CENPT: variants seen among roughly 807,000 people sequenced by gnomAD.
CENPT encodes centromere protein T.
A neutral mutation model predicts 59.7 loss-of-function variants in CENPT; 42 were observed. That is an observed-to-expected ratio of 0.70 (90% CI 0.55 to 0.91). The LOEUF (loss-of-function observed/expected upper bound fraction) is 0.91, where lower values mean the gene tolerates loss of function less well. Among genes scored for constraint, CENPT ranks in the 40% least tolerant of loss-of-function variants. The pLI is 0.00. For synonymous variants in CENPT, 295 were observed against 289.6 expected, an observed-to-expected ratio of 1.02 and a Z score of -0.19; for missense variants, 716 against 713.4, an observed-to-expected ratio of 1.00 and a Z score of -0.04.
At chr16:67,834,995 C>A (rs954894298) in intron 3 of CENPT, among the ~76,000 whole-genome samples, 177 bp downstream of exon 3, 3 of 152,100 alleles carry the variant, frequency 2.0e-5, no homozygotes, top group Non-Finnish European at 4.4e-5. Flanking sequence ...GCATGCACCA[C>A]CACACCCGGC....
chr16:67,839,739 T>C (rs1266699162), intron 1 of CENPT, among the ~76,000 whole-genome samples: 1 of 151,826 alleles, frequency 6.6e-6, no homozygotes, highest in Non-Finnish European at 1.5e-5. Flanking sequence ...CTGGTTGTGG[T>C]GCCTGGCGCC....
intron 1 of CENPT, among the ~76,000 whole-genome samples, chr16:67,836,058 GTTTTTGT>G (rs1335094468): frequency 6.7e-6 from 1 of 148,412 alleles, no homozygotes; most frequent in African/African-American, 2.5e-5. Context: ...TTTTGTTTTT[GTTTTTGT>G]TTTTTGTTTT....
rs2057690216 is a variant in CENPT, at chr16:67,831,680, C to T, written c.524-68G>A. 3.7e-6 allele frequency: 6 copies of T among 1,605,994 alleles called. No individual in the cohort carries two copies. The South Asian group carries it at 5.6e-5, about 15-fold the overall frequency. On this transcript the variant is annotated intron_variant, in intron 8 of 15. Coordinates refer to ENST00000562787, the MANE Select transcript of CENPT (RefSeq NM_025082.4). ...GTAAGTGATCCAGGCCTGTGAGGGC[C>T]CTCTCTCAGGACTCCTCAGCCTCTC...
At position 67,828,527 on chromosome 16, in the gene CENPT, A is replaced by C. The variant is rs1329232095; in HGVS notation, c.1509T>G (p.Ala503=). ...GCTTCACAGTCTTGCGGCCAGCATGAGCAGCAAATACCTCCAGATCATCAC... is the reference window on the plus strand; with the variant it reads ...GCTTCACAGTCTTGCGGCCAGCATGCGCAGCAAATACCTCCAGATCATCAC... ...HLCDDLEVFA[A]HAGRKTVKPE... is the part of the protein sequence containing the mutation. The change falls in exon 15 of 16, where the codon GCT becomes GCG. Residue 503 remains alanine, a synonymous_variant. Transcript: ENST00000562787. 1 of 1,614,112 alleles carries C rather than the reference A, an allele frequency of 6.2e-7. No individual in the cohort carries two copies. Among genetic ancestry groups the C allele is most frequent in the East Asian group, 2.2e-5 (1 of 44,894 alleles).
Position 67,842,871 on chromosome 16 carries a change from A to G in CENPT, c.-492+4530T>C, listed in dbSNP as rs1000978795. 16 of 1,604,462 alleles carry G rather than the reference A, an allele frequency of 1.0e-5. No individual in the cohort carries two copies. The highest frequency in any genetic ancestry group is 6.7e-5 in the Admixed American group (4 of 59,676). ...GCGGCCGCCCGCCGCAGGCAGCAGC[A>G]GCAACAGCAGCAGCAGCAGCAACAG... On this transcript the variant is annotated intron_variant, in intron 1 of 15. Coordinates refer to ENST00000562787, the MANE Select transcript of CENPT (RefSeq NM_025082.4). The surrounding 1 kb of genome is among the most constrained non-coding windows in gnomAD (Gnocchi z 4.9).
intron 1 of CENPT, among the ~76,000 whole-genome samples, chr16:67,840,985 C>T (rs1250624324): frequency 1.4e-5 from 2 of 142,052 alleles, no homozygotes; most frequent in African/African-American, 5.3e-5. Context: ...CATGGCGAAA[C>T]CCCGTCTCTA....
At chr16:67,846,378 A>G (rs888992761) in intron 1 of CENPT, among the ~76,000 whole-genome samples, 3 of 152,260 alleles carry the variant, frequency 2.0e-5, no homozygotes, top group African/African-American at 7.2e-5. Context: ...AGCCTGCTCG[A>G]AACCAGCTTT....
At position 67,840,425 on chromosome 16, in the gene CENPT, C is replaced by G. The variant is rs377687821; in HGVS notation, c.-491-4767G>C. The stretch of plus-strand genomic sequence containing the variant: ...GACAAGAAAAATTGGGAGGTGACCA[C>G]GATCATGTCTTTTGTGGGAATATGC... On this transcript the variant is annotated intron_variant, in intron 1 of 15. Coordinates refer to ENST00000562787, the MANE Select transcript of CENPT (RefSeq NM_025082.4). 2.3e-4 allele frequency among the ~76,000 whole-genome samples: 35 copies of G among 152,252 alleles called. No homozygotes were observed. In the East Asian group the frequency reaches 3.7e-3, roughly 16 times the overall value.
rs1390019985 is a variant in CENPT at position 67,831,352 on chromosome 16, G to A, written c.567C>T (p.Leu189=). 4 of 1,613,610 alleles carry A rather than the reference G, an allele frequency of 2.5e-6. No individual in the cohort carries two copies. Among genetic ancestry groups the A allele is most frequent in the Non-Finnish European group, 2.5e-6 (3 of 1,179,652 alleles). Residue 189 remains leucine, a synonymous_variant, in exon 10 of 16, where the codon CTC becomes CTT. Transcript: ENST00000562787. ...NADASSLTRS[L]NLTFATPLQP... ...GAAGAGGTGTGGCAAAGGTCAGGTT[G>A]AGGGATCTGGTGAGGTGGGGAGGCA...
Position 67,831,776 on chromosome 16 carries a change from G to A in CENPT, c.501C>T (p.Asp167=). ...LRLSVFQQGV[D]QGLSLSQEPQ... ...CACCTTGGGAGAGAGACAGCCCCTG[G>A]TCCACTCCCTGCTGAAACACTGACA... Residue 167 remains aspartate (D), a synonymous_variant, in exon 8 of 16, where the codon GAC becomes GAT. Transcript: ENST00000562787. 3.2e-6 allele frequency: 5 copies of A among 1,585,532 alleles called. No individual in the cohort carries two copies. Among genetic ancestry groups the A allele is most frequent in the Non-Finnish European group, 4.3e-6 (5 of 1,166,830 alleles).
chr16:67,828,500 T>C lies in CENPT; in HGVS notation c.1536A>G (p.Pro512=). ...AAHAGRKTVK[P]EDLELLMRRQ... is the part of the protein sequence containing the mutation. Reference sequence around the variant, plus strand: ...GCCGCATCAGCAGCTCCAGGTCCTCTGGCTTCACAGTCTTGCGGCCAGCAT... The same window carrying C: ...GCCGCATCAGCAGCTCCAGGTCCTCCGGCTTCACAGTCTTGCGGCCAGCAT... The change falls in exon 15 of 16, where the codon CCA becomes CCG. Residue 512 remains proline (P), a synonymous_variant. Coordinates refer to ENST00000562787, the MANE Select transcript of CENPT (RefSeq NM_025082.4). 1 of 1,614,250 alleles carries C rather than the reference T, an allele frequency of 6.2e-7. No homozygotes were observed. The highest frequency in any genetic ancestry group is 2.2e-5 in the East Asian group (1 of 44,892).
Position 67,832,513 on chromosome 16 carries a change from G to C in CENPT, c.143C>G (p.Pro48Arg), listed in dbSNP as rs1161063145. ...ARRALLETAS[P>R]RKLSGQTRTI... ...CCTTGTTTGGCCACTCAACTTCCTG[G>C]GGGAAGCCGTTTCAAGCAGGGCTCT... The change falls in exon 5 of 16, where the codon CCC becomes CGC. Residue 48 changes from proline to arginine, a missense_variant. Transcript: ENST00000562787. 6.2e-7 allele frequency: 1 copy of C among 1,614,116 alleles called. No individual in the cohort carries two copies. Among genetic ancestry groups the C allele is most frequent in the Non-Finnish European group, 8.5e-7 (1 of 1,180,004 alleles).
At chr16:67,832,175 G>A in intron 6 of CENPT, 53 bp downstream of exon 6, 1 of 1,607,012 alleles carries the variant, frequency 6.2e-7, no homozygotes, top group Non-Finnish European at 8.5e-7. Flanking sequence ...GATACCACAA[G>A]ACTGGGGTTG....
rs752283836 is a variant in CENPT, at chr16:67,842,923, G to GCAA, written c.-492+4477_-492+4478insTTG. ...AGCAACAGCAGCAGCAGCAGCAACA[G>GCAA]CAGCAGCAGCAGCAGCAGCAGCAGC... On this transcript the variant is annotated intron_variant, in intron 1 of 15. Transcript: ENST00000562787. The surrounding 1 kb of genome is among the most constrained non-coding windows in gnomAD (Gnocchi z 4.9). 174 of 705,396 alleles carry GCAA rather than the reference G, an allele frequency of 2.5e-4. No individual in the cohort carries two copies. The African/African-American group carries it at 3.8e-3, about 15-fold the overall frequency. 43.7% of individuals were successfully genotyped at this position (705,396 alleles called of 1,614,324 possible).
chr16:67,833,918 G>T lies in CENPT; in HGVS notation c.-59C>A, dbSNP rs2057718698. On this transcript the variant is annotated 5_prime_UTR_variant, in exon 4 of 16. Transcript: ENST00000562787. ...CAGCTGCAGGCTCCGCCTTCCCGCC[G>T]CCACAGTTAATGTAACTCTCGCGAT... is the stretch of plus-strand genomic sequence containing the variant. 6 of 1,145,490 alleles carry T rather than the reference G, an allele frequency of 5.2e-6. No individual in the cohort carries two copies. The highest frequency in any genetic ancestry group is 5.9e-6 in the Non-Finnish European group (5 of 845,572). 71.0% of individuals were successfully genotyped at this position (1,145,490 alleles called of 1,614,324 possible).
intron 1 of CENPT, among the ~76,000 whole-genome samples, chr16:67,840,938 T>C (rs1212796213): frequency 4.7e-5 from 7 of 149,418 alleles, no homozygotes; most frequent in East Asian, 3.9e-4. Context: ...GGCGAGCAGA[T>C]TGCCTGAGCT....
In CENPT at chr16:67,830,072, G is replaced by C. The variant is rs746410455; in HGVS notation, c.879C>G (p.Ala293=). 2 of 1,614,152 alleles carry C rather than the reference G, an allele frequency of 1.2e-6. No homozygotes were observed. The highest frequency in any genetic ancestry group is 2.2e-5 in the South Asian group (2 of 91,084). ...CCTCTGCCTCTCCTGCCAGAAACTG[G>C]GCTGGTTTCCCAGGGCCTGAGTGAA... is the stretch of plus-strand genomic sequence containing the variant. The part of the protein sequence containing the change: ...GLQKNSPGKP[A]QFLAGEAEEV... The change falls in exon 12 of 16, where the codon GCC becomes GCG. Residue 293 remains alanine (A), a synonymous_variant. Coordinates refer to ENST00000562787, the MANE Select transcript of CENPT (RefSeq NM_025082.4).
At chr16:67,837,476 A>C (rs903520751) in intron 1 of CENPT, among the ~76,000 whole-genome samples, 10 of 151,470 alleles carry the variant, frequency 6.6e-5, no homozygotes, top group Non-Finnish European at 1.3e-4. Context: ...TGGGAGGCCG[A>C]GGCAGGTGGA....
rs1318083356 is a variant in CENPT at position 67,828,647 on chromosome 16, C to T, written c.1457+20G>A. On this transcript the variant is annotated intron_variant, in intron 14 of 15. Coordinates refer to ENST00000562787, the MANE Select transcript of CENPT (RefSeq NM_025082.4). ...TGACCCGAGGGGTTCCTCTCCCTACCCCATGTGCCCAGGACTCACCACTTC... is the reference window on the plus strand; with the variant it reads ...TGACCCGAGGGGTTCCTCTCCCTACTCCATGTGCCCAGGACTCACCACTTC... The T allele has an allele frequency of 6.2e-7, 1 of 1,614,122 alleles. No individual in the cohort carries two copies. Among genetic ancestry groups the T allele is most frequent in the East Asian group, 2.2e-5 (1 of 44,890 alleles).
Sources: allele counts gnomAD v4.1 joint callset (sites outside exome capture counted in the v4.1 genomes callset), GRCh38; gene constraint gnomAD v4.1.1; non-coding constraint Gnocchi (gnomAD v3.1); transcripts MANE v1.5; gene names NCBI Gene and HGNC (gene_info 2026-07-23, HGNC 2026-07-21).